The following ADGRL3 variants were observed in gnomAD, a reference collection of about 807,000 sequenced individuals.
ADGRL3 encodes the protein adhesion G protein-coupled receptor L3.
In ADGRL3, 62 loss-of-function variants were observed where a neutral mutation model predicts 153.5. That is an observed-to-expected ratio of 0.40 (90% confidence interval 0.33 to 0.50). ADGRL3 has a LOEUF of 0.50. Ranked by LOEUF, ADGRL3 falls within the 20% of genes least tolerant of loss-of-function variation. ADGRL3 has a pLI of 0.47. For synonymous variants in ADGRL3, 710 were observed against 672.5 expected, an observed-to-expected ratio of 1.06 and a Z score of -0.86; for missense variants, 1,641 against 1,859.4, an observed-to-expected ratio of 0.88 and a Z score of 2.16.
At chr4:61,647,202 G>A (rs531185201) in intron 5 of ADGRL3, among the ~76,000 whole-genome samples, 5 of 152,048 alleles carry the variant, frequency 3.3e-5, no homozygotes, top group Admixed American at 1.3e-4. Context: ...AGATGAACCC[G>A]GTACCTCAGA....
intron 3 of ADGRL3, among the ~76,000 whole-genome samples, chr4:61,497,688 T>TA (rs1439018147): frequency 6.7e-6 from 1 of 150,178 alleles, no homozygotes; most frequent in South Asian, 2.1e-4. Context: ...GCTAATTTTT[T>TA]TTTTTTTTTG....
intron 1 of ADGRL3, among the ~76,000 whole-genome samples, chr4:61,348,838 G>A (rs1230305283): frequency 6.6e-6 from 1 of 151,864 alleles, no homozygotes; most frequent in Admixed American, 6.6e-5. Flanking sequence ...ATTTCTTTGT[G>A]TTTTACTGCA....
intron 1 of ADGRL3, among the ~76,000 whole-genome samples, chr4:61,343,665 G>A (rs575985801): frequency 6.6e-6 from 1 of 152,294 alleles, no homozygotes; most frequent in South Asian, 2.1e-4. Context: ...AAGTTCCACA[G>A]TCAAATGAGT....
At chr4:61,379,018 T>A (rs2096637237) in intron 1 of ADGRL3, among the ~76,000 whole-genome samples, 1 of 151,966 alleles carries the variant, frequency 6.6e-6, no homozygotes, top group African/African-American at 2.4e-5. Flanking sequence ...AGGGTGAAAA[T>A]TTATTTTCTG....
chr4:61,571,299 A>G (rs2098837537), intron 4 of ADGRL3, among the ~76,000 whole-genome samples: 1 of 148,404 alleles, frequency 6.7e-6, no homozygotes, highest in African/African-American at 2.5e-5. Context: ...ACATGACAAG[A>G]CCCTGTCTCA....
intron 17 of ADGRL3, among the ~76,000 whole-genome samples, chr4:61,966,230 T>A (rs368459733): frequency 2.6e-5 from 4 of 152,202 alleles, no homozygotes; most frequent in Non-Finnish European, 5.9e-5. Context: ...ACATAATAGG[T>A]ACCCAATAAA....
intron 17 of ADGRL3, among the ~76,000 whole-genome samples, chr4:61,955,753 T>C (rs2098963719): frequency 6.6e-6 from 1 of 152,150 alleles, no homozygotes; most frequent in African/African-American, 2.4e-5. Context: ...GTTCTCATTA[T>C]TCAACTCCTA....
chr4:61,856,950 C>CTCTT (rs55713412), intron 9 of ADGRL3, among the ~76,000 whole-genome samples: 4,385 of 56,894 alleles, frequency 0.077, 183 homozygotes, highest in East Asian at 0.13. Flanking sequence ...CTTTCTTCTT[C>CTCTT]TCTTTCTTTC....
intron 4 of ADGRL3, among the ~76,000 whole-genome samples, chr4:61,538,664 A>G (rs1579408478): frequency 1.3e-5 from 2 of 151,530 alleles, no homozygotes; most frequent in African/African-American, 2.4e-5. Flanking sequence ...CTGGTCTCGA[A>G]CTCCCTACCT....
chr4:61,440,969 C>A (rs1281835204), intron 2 of ADGRL3, among the ~76,000 whole-genome samples: 1 of 152,152 alleles, frequency 6.6e-6, no homozygotes, highest in East Asian at 1.9e-4. Context: ...TATGAAGTGG[C>A]AGAACCAATA....
At chr4:62,058,685 GC>G (rs1235840452) in intron 25 of ADGRL3, among the ~76,000 whole-genome samples, 2 of 152,078 alleles carry the variant, frequency 1.3e-5, no homozygotes, top group African/African-American at 4.8e-5. Context: ...TAACCGGTAA[GC>G]CCAACTTTTC....
chr4:62,009,319 C>A (rs750146536), intron 21 of ADGRL3, among the ~76,000 whole-genome samples: 5 of 152,094 alleles, frequency 3.3e-5, no homozygotes, highest in African/African-American at 1.2e-4. Context: ...CTAAGCAACA[C>A]AATTCATTTT....
At chr4:61,816,781 C>T (rs569750395) in intron 9 of ADGRL3, among the ~76,000 whole-genome samples, 40 of 152,162 alleles carry the variant, frequency 2.6e-4, no homozygotes, top group African/African-American at 5.3e-4. Flanking sequence ...TCTGCTGAGC[C>T]GGCAGGGGCC....
chr4:61,323,068 G>A (rs970023452), intron 1 of ADGRL3, among the ~76,000 whole-genome samples: 1 of 152,206 alleles, frequency 6.6e-6, no homozygotes, highest in African/African-American at 2.4e-5. Context: ...TTGCTGTACA[G>A]TCATAGGCTT....
At chr4:61,774,228 G>A (rs2097119601) in intron 8 of ADGRL3, among the ~76,000 whole-genome samples, 1 of 151,476 alleles carries the variant, frequency 6.6e-6, no homozygotes, top group South Asian at 2.1e-4. Flanking sequence ...ACGGTGGCAG[G>A]TACCTATAAT....
intron 5 of ADGRL3, among the ~76,000 whole-genome samples, chr4:61,595,684 C>A (rs1256955763): frequency 6.6e-6 from 1 of 152,180 alleles, no homozygotes; most frequent in African/African-American, 2.4e-5. Flanking sequence ...CTTCCTAAGT[C>A]ACATGCCACC....
At chr4:62,064,636 A>C (rs1271705929) in intron 25 of ADGRL3, among the ~76,000 whole-genome samples, 1 of 151,770 alleles carries the variant, frequency 6.6e-6, no homozygotes, top group African/African-American at 2.4e-5. Context: ...ATTTTTAATA[A>C]AATTTCTACT....
At chr4:61,958,252 C>CA (rs1229806079) in intron 17 of ADGRL3, among the ~76,000 whole-genome samples, 4 of 152,072 alleles carry the variant, frequency 2.6e-5, no homozygotes, top group African/African-American at 9.7e-5. Flanking sequence ...GGACAGAATT[C>CA]ATTAAAAGAA....
At chr4:61,745,887 A>C (rs1471578994) in intron 8 of ADGRL3, among the ~76,000 whole-genome samples, 7 of 152,192 alleles carry the variant, frequency 4.6e-5, no homozygotes, top group Non-Finnish European at 1.0e-4. Context: ...AATGGACTAA[A>C]TGCTCCCATT....
Sources: gnomAD v4.1 joint callset for allele counts (sites outside exome capture counted in the v4.1 genomes callset) on GRCh38, gnomAD v4.1.1 for gene constraint, MANE v1.5 for transcripts, NCBI Gene and HGNC (gene_info 2026-07-23, HGNC 2026-07-21) for gene names.